Variants in DDI2 observed in about 807,000 individuals in gnomAD.
The protein encoded by DDI2 is DDI proteasomal shuttling factor 2.
A neutral mutation model predicts 48.1 loss-of-function variants in DDI2; 5 were observed. The observed-to-expected ratio is 0.10, with a 90% CI of 0.05 to 0.22. The LOEUF (loss-of-function observed/expected upper bound fraction) is 0.22. Among genes scored for constraint, DDI2 ranks in the 10% least tolerant of loss-of-function variants. The pLI is 1.00. For synonymous variants in DDI2, 205 were observed against 183.6 expected (o/e 1.12, Z -0.94); for missense variants, 285 against 506.2 (o/e 0.56, Z 4.19).
In DDI2 at chr1:15,641,582, G is replaced by A. The variant is rs538592841; in HGVS notation, c.761-1940G>A. Reference sequence around the variant, plus strand: ...TCCTTGCTTTAAATTACGCATCCACGGAGTGGTTTGGAAGCCAGAACAATT... The same window carrying A: ...TCCTTGCTTTAAATTACGCATCCACAGAGTGGTTTGGAAGCCAGAACAATT... On this transcript the variant is annotated intron_variant, in intron 5 of 9. Coordinates refer to ENST00000480945, the MANE Select transcript of DDI2 (RefSeq NM_032341.5). 1.6e-4 allele frequency among the ~76,000 whole-genome samples: 25 copies of A among 152,270 alleles called. No homozygotes were observed. The South Asian group carries it at 5.0e-3, about 30-fold the overall frequency.
At chr1:15,656,834 A>T in intron 9 of DDI2, 155 bp downstream of exon 9, 1 of 978,404 alleles carries the variant, frequency 1.0e-6, no homozygotes, top group Non-Finnish European at 1.5e-6. Context: ...GTATTTTGGC[A>T]TGCATACATG....
At chr1:15,635,979 C>G (rs1639921137) in intron 4 of DDI2, among the ~76,000 whole-genome samples, 1 of 152,190 alleles carries the variant, frequency 6.6e-6, no homozygotes. Flanking sequence ...TAGGTGAACA[C>G]AGGTTCGATA....
Position 15,666,560 on chromosome 1 carries a change from A to G in DDI2, c.*6770A>G, listed in dbSNP as rs1640454253. 1 of 152,214 alleles carries G rather than the reference A, an allele frequency of 6.6e-6. No homozygotes were observed. The highest frequency in any genetic ancestry group is 6.5e-5 in the Admixed American group (1 of 15,274). The allele number at this position is 152,214 out of a possible 1,614,324, so 9.4% of individuals were successfully genotyped here. On this transcript the variant is annotated 3_prime_UTR_variant, in exon 10 of 10. Transcript: ENST00000480945. ...AGAGAAAAGTTCAAGAAGATCTTAC[A>G]TATTTGAAAGGAAATTGGTACTCTT...
chr1:15,629,980 C>T (rs1399975512), intron 2 of DDI2, among the ~76,000 whole-genome samples: 1 of 152,140 alleles, frequency 6.6e-6, no homozygotes, highest in Non-Finnish European at 1.5e-5. Flanking sequence ...GATCCAGCCA[C>T]CTTGACCTCC....
Position 15,661,400 on chromosome 1 carries a change from C to T in DDI2, c.*1610C>T. The T allele has an allele frequency of 6.2e-7, 1 of 1,614,220 alleles. No individual in the cohort carries two copies. The highest frequency in any genetic ancestry group is 8.5e-7 in the Non-Finnish European group (1 of 1,180,034). On this transcript the variant is annotated 3_prime_UTR_variant, in exon 10 of 10. Coordinates refer to ENST00000480945, the MANE Select transcript of DDI2 (RefSeq NM_032341.5). ...GCACTCAATCAGACTTCTGAGCAAA[C>T]TAAGTCTTTGTCATCCAATTTCATA...
At position 15,665,246 on chromosome 1, in the gene DDI2, G is replaced by A. The variant is rs1212655465; in HGVS notation, c.*5456G>A. ...CATTGCACTCCAGCCTGGGCAACAA[G>A]AGCAAAACTCTGTCTCAAAAAAAAA... On this transcript the variant is annotated 3_prime_UTR_variant, in exon 10 of 10. Transcript: ENST00000480945. 7.7e-6 allele frequency: 1 copy of A among 129,882 alleles called. No homozygotes were observed. The highest frequency in any genetic ancestry group is 2.1e-4 in the East Asian group (1 of 4,864). 8.0% of individuals were successfully genotyped at this position (129,882 alleles called of 1,614,324 possible).
At chr1:15,627,054 C>G (rs1639768885) in intron 2 of DDI2, 1 of 450,284 alleles carries the variant, frequency 2.2e-6, no homozygotes, top group Non-Finnish European at 4.0e-6. Context: ...TCTTAGCACA[C>G]AGCAAGCCCT....
rs373032236 is a variant in DDI2 at position 15,617,745 on chromosome 1, C to T, written c.75C>T (p.Phe25=). ...TTTCCCTCCAGGTCGACGCCGACTT[C>T]GAGCTGCACAACTTCCGCGCGCTGT... ...VTFSLQVDAD[F]ELHNFRALCE... The change falls in exon 1 of 10, where the codon TTC becomes TTT. Residue 25 remains phenylalanine, a synonymous_variant. Transcript: ENST00000480945. 13 of 1,610,428 alleles carry T rather than the reference C, an allele frequency of 8.1e-6. No homozygotes were observed. The highest frequency in any genetic ancestry group is 4.0e-5 in the African/African-American group (3 of 74,876).
Position 15,617,533 on chromosome 1 carries a change from TGAGG to T in DDI2, c.-130_-127del. ...GAGGGAGTGACTCACTGAGCGTGTG[TGAGG>T]GAGGGAGCGAGCGAGCGAACGAGCA... On this transcript the variant is annotated 5_prime_UTR_variant, in exon 1 of 10. Transcript: ENST00000480945. 3 of 605,566 alleles carry T rather than the reference TGAGG, an allele frequency of 5.0e-6. 1 individual carries two copies. Among genetic ancestry groups the T allele is most frequent in the Middle Eastern group, 1.0e-3 (2 of 1,912 alleles). 37.5% of individuals were successfully genotyped at this position (605,566 alleles called of 1,614,324 possible).
intron 1 of DDI2, among the ~76,000 whole-genome samples, chr1:15,620,798 A>ACAT (rs1639648228): frequency 6.6e-6 from 1 of 152,218 alleles, no homozygotes; most frequent in Non-Finnish European, 1.5e-5. Flanking sequence ...GTTATCTGTA[A>ACAT]AGTAACATTG....
chr1:15,659,132 T>C (rs980085168), intron 9 of DDI2, among the ~76,000 whole-genome samples: 2 of 152,236 alleles, frequency 1.3e-5, no homozygotes, highest in Non-Finnish European at 2.9e-5. Flanking sequence ...CACCCAGTTT[T>C]ACCATGATTT....
At chr1:15,655,955 T>A (rs1056868162) in intron 8 of DDI2, among the ~76,000 whole-genome samples, 5 of 151,916 alleles carry the variant, frequency 3.3e-5, no homozygotes, top group Admixed American at 6.6e-5. Context: ...GCTTATTTTT[T>A]AAATACTTTA....
Position 15,630,487 on chromosome 1 carries a change from C to G in DDI2, c.431C>G (p.Ala144Gly), listed in dbSNP as rs865796587. 1 of 1,614,190 alleles carries G rather than the reference C, an allele frequency of 6.2e-7. No homozygotes were observed. Among genetic ancestry groups the G allele is most frequent in the African/African-American group, 1.3e-5 (1 of 75,050 alleles). ...GCCTTGCTCCGAGATATGTTGCTGG[C>G]CAACCCGCATGAGCTGTCCTTGCTG... Reference protein sequence around the residue: ...NPALLRDMLLANPHELSLLKE... With the variant: ...NPALLRDMLLGNPHELSLLKE... The change falls in exon 3 of 10, where the codon GCC (alanine) becomes GGC (glycine). Residue 144 changes from alanine to glycine, a missense_variant. By Grantham distance (60) the Ala-to-Gly change is moderately conservative. Coordinates refer to ENST00000480945, the MANE Select transcript of DDI2 (RefSeq NM_032341.5).
intron 5 of DDI2, among the ~76,000 whole-genome samples, chr1:15,639,226 G>A (rs899647240): frequency 1.3e-5 from 2 of 151,888 alleles, no homozygotes; most frequent in African/African-American, 2.4e-5. Context: ...AGTAACAACC[G>A]TTTGCTTTTT....
intron 4 of DDI2, among the ~76,000 whole-genome samples, chr1:15,636,300 T>A (rs1009469035): frequency 1.3e-5 from 2 of 152,108 alleles, no homozygotes; most frequent in African/African-American, 4.8e-5. Context: ...CTAATTTTTC[T>A]TGTATTTTGT....
chr1:15,624,523 A>G (rs1290854193), intron 1 of DDI2, among the ~76,000 whole-genome samples: 4 of 152,136 alleles, frequency 2.6e-5, no homozygotes, highest in Non-Finnish European at 5.9e-5. Context: ...GCTGGAGTGC[A>G]GTGGTGCAAC....
At chr1:15,643,441 GTTATTATT>G in intron 5 of DDI2, 73 bp from the exon 6 acceptor site, 1 of 1,553,244 alleles carries the variant, frequency 6.4e-7, no homozygotes, top group Non-Finnish European at 8.7e-7. Flanking sequence ...TTTTCGCTTT[GTTATTATT>G]TAGTGCTATA....
Position 15,645,409 on chromosome 1 carries a change from A to T in DDI2, c.889+1759A>T, listed in dbSNP as rs146763107. On this transcript the variant is annotated intron_variant, in intron 6 of 9. Coordinates refer to ENST00000480945, the MANE Select transcript of DDI2 (RefSeq NM_032341.5). ...CTGGAATGTCTGTTATTCAGGTAGG[A>T]TAATCTCTCCTGGACTTGTCCTCTA... is the stretch of plus-strand genomic sequence containing the variant. Among the ~76,000 whole-genome samples the T allele has an allele frequency of 3.1e-3, 473 of 152,278 alleles. 3 individuals are homozygous for T. Among genetic ancestry groups the T allele is most frequent in the African/African-American group, 0.011 (458 of 41,556 alleles).
chr1:15,638,263 A>G (rs1457607740), intron 4 of DDI2, 44 bp from the exon 5 acceptor site: 13 of 1,610,178 alleles, frequency 8.1e-6, no homozygotes, highest in Admixed American at 1.7e-5. Context: ...ATTTCTCTCC[A>G]TGGAATTAAT....
Sources: allele counts gnomAD v4.1 joint callset (sites outside exome capture counted in the v4.1 genomes callset), GRCh38; gene constraint gnomAD v4.1.1; transcripts MANE v1.5; gene names NCBI Gene and HGNC (gene_info 2026-07-23, HGNC 2026-07-21).